The following NRXN1 variants were observed in gnomAD, a reference collection of about 807,000 sequenced individuals.
The protein encoded by NRXN1 is neurexin 1, also known as neurexin-1.
A neutral mutation model predicts 150.9 loss-of-function variants in NRXN1; 39 were observed. That is an observed-to-expected ratio of 0.26 (90% CI 0.20 to 0.34). NRXN1 has a LOEUF of 0.34. Ranked by LOEUF, NRXN1 falls within the 10% of genes least tolerant of loss-of-function variation. NRXN1 has a pLI of 1.00. For synonymous variants in NRXN1, 924 were observed against 757.0 expected, an observed-to-expected ratio of 1.22 and a Z score of -3.62; for missense variants, 1,815 against 1,949.9, an observed-to-expected ratio of 0.93 and a Z score of 1.30.
chr2:50,418,403 T>C (rs941054421), intron 17 of NRXN1, among the ~76,000 whole-genome samples: 5 of 152,092 alleles, frequency 3.3e-5, no homozygotes, highest in Non-Finnish European at 7.4e-5. Context: ...TGTTTTATTT[T>C]AGATGCTGCA....
At chr2:50,448,235 C>A (rs911369660) in intron 17 of NRXN1, among the ~76,000 whole-genome samples, 1 of 152,100 alleles carries the variant, frequency 6.6e-6, no homozygotes, top group Non-Finnish European at 1.5e-5. Flanking sequence ...TGTGGATACA[C>A]CACCAAAGAA....
At chr2:51,000,945 T>A (rs1218752116) in intron 2 of NRXN1, among the ~76,000 whole-genome samples, 1 of 152,060 alleles carries the variant, frequency 6.6e-6, no homozygotes, top group Non-Finnish European at 1.5e-5. Context: ...CTGACCCTTG[T>A]CAGACCAGGA....
intron 5 of NRXN1, among the ~76,000 whole-genome samples, chr2:50,778,186 C>CT (rs1335086737): frequency 7.9e-5 from 12 of 152,002 alleles, no homozygotes; most frequent in Non-Finnish European, 1.2e-4. Flanking sequence ...TCCACAGGGA[C>CT]TAAGGATGTA....
chr2:50,014,631 T>G lies in NRXN1; in HGVS notation c.4128+38640A>C, dbSNP rs897112548. ...TTTGTTCTTAACACCACGTTTCAGTTAAATTTCATTAATTCTTTTTTTATT... is the reference window on the plus strand; with the variant it reads ...TTTGTTCTTAACACCACGTTTCAGTGAAATTTCATTAATTCTTTTTTTATT... On this transcript the variant is annotated intron_variant, in intron 21 of 22. Transcript: ENST00000401669. 6.6e-5 allele frequency among the ~76,000 whole-genome samples: 10 copies of G among 152,182 alleles called. No individual in the cohort carries two copies. The East Asian group carries it at 1.9e-3, about 29-fold the overall frequency.
intron 2 of NRXN1, among the ~76,000 whole-genome samples, chr2:50,959,583 G>A (rs562196440): frequency 1.3e-5 from 2 of 151,996 alleles, no homozygotes; most frequent in Non-Finnish European, 2.9e-5. Flanking sequence ...TAGATGCCAG[G>A]AACTGGGGAC....
intron 17 of NRXN1, among the ~76,000 whole-genome samples, chr2:50,370,711 A>C (rs1158171943): frequency 6.6e-6 from 1 of 152,000 alleles, no homozygotes; most frequent in African/African-American, 2.4e-5. Context: ...GGAACAGAAA[A>C]AGAAGATGAA....
intron 5 of NRXN1, among the ~76,000 whole-genome samples, chr2:50,748,992 C>A (rs1700293715): frequency 6.6e-6 from 1 of 152,066 alleles, no homozygotes; most frequent in African/African-American, 2.4e-5. Flanking sequence ...TGCATGCTCA[C>A]AGTGATGCTA....
intron 18 of NRXN1, among the ~76,000 whole-genome samples, chr2:50,135,399 G>C (rs1249808264): frequency 3.3e-5 from 5 of 152,148 alleles, no homozygotes; most frequent in Non-Finnish European, 7.4e-5. Flanking sequence ...AAACTGTAGA[G>C]TAAAAGAAGC....
chr2:50,897,036 T>C (rs1024285150), intron 5 of NRXN1, among the ~76,000 whole-genome samples: 3 of 152,160 alleles, frequency 2.0e-5, no homozygotes, highest in Admixed American at 6.5e-5. Flanking sequence ...AAAATTCTCC[T>C]AGAAACCATT....
At chr2:50,125,198 T>C (rs1217108190) in intron 18 of NRXN1, among the ~76,000 whole-genome samples, 1 of 152,292 alleles carries the variant, frequency 6.6e-6, no homozygotes, top group Non-Finnish European at 1.5e-5. Flanking sequence ...ATTATTGATA[T>C]GTAGAAAATG....
At chr2:50,323,530 G>C (rs1409195979) in intron 17 of NRXN1, among the ~76,000 whole-genome samples, 3 of 150,872 alleles carry the variant, frequency 2.0e-5, no homozygotes, top group African/African-American at 4.9e-5. Flanking sequence ...AGAACCAAAT[G>C]AAAAATGAGA....
chr2:50,147,665 T>C (rs780399840), intron 18 of NRXN1, among the ~76,000 whole-genome samples: 5 of 151,736 alleles, frequency 3.3e-5, no homozygotes, highest in Non-Finnish European at 7.4e-5. Context: ...ATTCTAGTGA[T>C]AAGACATCCT....
rs910364719 is a variant in NRXN1, at chr2:50,106,820, A to G, written c.3547-15326T>C. 3.3e-5 allele frequency among the ~76,000 whole-genome samples: 5 copies of G among 152,134 alleles called. 1 individual carries two copies. Among genetic ancestry groups the G allele is most frequent in the East Asian group, 1.9e-4 (1 of 5,172 alleles). ...CTTAATCTTTCAAAGTATCTCATAA[A>G]TGTAAATGCATGCTTAGCATTTTTA... On this transcript the variant is annotated intron_variant, in intron 18 of 22. Coordinates refer to ENST00000401669, the MANE Select transcript of NRXN1 (RefSeq NM_001330078.2).
chr2:50,143,593 A>C (rs773405606), intron 18 of NRXN1, among the ~76,000 whole-genome samples: 13 of 152,124 alleles, frequency 8.5e-5, no homozygotes, highest in Non-Finnish European at 1.5e-4. Flanking sequence ...CAGCCAGATT[A>C]ATCTTCCTTT....
At chr2:50,523,124 CTTTACAT>C (rs1573388810) in intron 12 of NRXN1, among the ~76,000 whole-genome samples, 1 of 129,624 alleles carries the variant, frequency 7.7e-6, no homozygotes, top group East Asian at 2.1e-4. Flanking sequence ...TATGTTCATT[CTTTACAT>C]TTTACATGCA....
chr2:50,409,145 T>C (rs2082970245), intron 17 of NRXN1, among the ~76,000 whole-genome samples: 1 of 152,156 alleles, frequency 6.6e-6, no homozygotes, highest in Non-Finnish European at 1.5e-5. Flanking sequence ...CCCCAAATGC[T>C]TAACCCTCTC....
intron 5 of NRXN1, among the ~76,000 whole-genome samples, chr2:50,744,683 A>C (rs1330083719): frequency 6.6e-6 from 1 of 152,220 alleles, no homozygotes. Flanking sequence ...CCAAGTAGAG[A>C]GATATTACCT....
intron 5 of NRXN1, among the ~76,000 whole-genome samples, chr2:50,870,751 A>G (rs923745118): frequency 6.6e-6 from 1 of 151,450 alleles, no homozygotes; most frequent in African/African-American, 2.4e-5. Context: ...CACCCTTTCA[A>G]TTTTTCACTC....
chr2:50,299,688 T>C (rs1372622366), intron 17 of NRXN1, among the ~76,000 whole-genome samples: 1 of 152,170 alleles, frequency 6.6e-6, no homozygotes, highest in Non-Finnish European at 1.5e-5. Flanking sequence ...TTTTTAAAAG[T>C]TAAAGGAAGA....
Sources: gnomAD v4.1 joint callset for allele counts (sites outside exome capture counted in the v4.1 genomes callset) on GRCh38, gnomAD v4.1.1 for gene constraint, MANE v1.5 for transcripts, NCBI Gene and HGNC (gene_info 2026-07-23, HGNC 2026-07-21) for gene names.